The following KIFC3 variants were observed in gnomAD, a reference collection of about 807,000 sequenced individuals.
KIFC3 encodes kinesin-like protein KIFC3.
KIFC3 carries 60 observed loss-of-function variants against 101.8 expected under a neutral mutation model. That is an observed-to-expected ratio of 0.59 (90% confidence interval 0.48 to 0.73). KIFC3 has a LOEUF of 0.73. Ranked by LOEUF, KIFC3 falls within the 30% of genes least tolerant of loss-of-function variation. KIFC3 has a pLI of 0.00. For missense variants in KIFC3, 966 were observed against 1,137.1 expected (o/e 0.85, Z 2.16); for synonymous variants, 476 against 482.7 (o/e 0.99, Z 0.18).
Position 57,759,729 on chromosome 16 carries a change from C to T in KIFC3, c.2475G>A (p.Ser825=), listed in dbSNP as rs782743799. The T allele has an allele frequency of 8.7e-6, 14 of 1,607,856 alleles. No individual in the cohort carries two copies. Among genetic ancestry groups the T allele is most frequent in the Middle Eastern group, 1.7e-4 (1 of 6,044 alleles). ...CCCACACTGCCACTCCAGGCTCACC[C>T]GAGGGCTGCAGCTTCCTCCGGATGG... The part of the protein sequence containing the change: ...PGSIRRKLQP[S]A The change falls in exon 18 of 20, where the codon TCG becomes TCA. Residue 825 remains serine, a splice_region_variant and synonymous_variant. Coordinates refer to ENST00000445690, the MANE Select transcript of KIFC3 (RefSeq NM_001130100.2).
intron 1 of KIFC3, among the ~76,000 whole-genome samples, chr16:57,823,025 T>C (rs1432049804): frequency 6.6e-6 from 1 of 152,176 alleles, no homozygotes; most frequent in African/African-American, 2.4e-5. Flanking sequence ...CTTGAAAAAC[T>C]GGTTTAGACT....
rs1156736307 is a variant in KIFC3 at position 57,796,554 on chromosome 16, G to A, written c.173-1413C>T. ...GGTCGGGGGACTCAGAGGGGCCTGG[G>A]GCAGCTGAGCTGGCTGAGGCCCAGT... On this transcript the variant is annotated intron_variant, in intron 2 of 19. Transcript: ENST00000445690. Among the ~76,000 whole-genome samples the A allele has an allele frequency of 2.0e-5, 3 of 152,238 alleles. No individual in the cohort carries two copies. The East Asian group carries it at 5.8e-4, about 29-fold the overall frequency.
In KIFC3 at chr16:57,764,262, G is replaced by T; in HGVS notation, c.1513-15C>A. 2.0e-6 allele frequency: 3 copies of T among 1,509,404 alleles called. No homozygotes were observed. The highest frequency in any genetic ancestry group is 2.3e-5 in the South Asian group (2 of 85,826). The allele number at this position is 1,509,404 out of a possible 1,614,324, so 93.5% of individuals were successfully genotyped here. A position where few individuals can be genotyped will look rare whatever the true frequency, so the allele number is the denominator to read the frequency against. On this transcript the variant is annotated splice_polypyrimidine_tract_variant and intron_variant, in intron 11 of 19. Transcript: ENST00000445690. Reference sequence around the variant, plus strand: ...TCCTGGAACACCTGGGAGGGTGGTGGGAGGGAGGCTGGTGGGGGGGCTTCC... The same window carrying T: ...TCCTGGAACACCTGGGAGGGTGGTGTGAGGGAGGCTGGTGGGGGGGCTTCC...
intron 1 of KIFC3, among the ~76,000 whole-genome samples, chr16:57,815,893 C>T (rs1414546697): frequency 3.3e-5 from 5 of 152,220 alleles, no homozygotes; most frequent in Non-Finnish European, 7.3e-5. Flanking sequence ...TAAGTCTGTG[C>T]CCTGTGGCGA....
At chr16:57,814,636 T>C (rs1368114927) in intron 1 of KIFC3, among the ~76,000 whole-genome samples, 1 of 129,462 alleles carries the variant, frequency 7.7e-6, no homozygotes, top group Non-Finnish European at 1.7e-5. Context: ...ACTATCATTC[T>C]TTTTTTTTTT....
intron 2 of KIFC3, 67 bp downstream of exon 2, chr16:57,798,005 C>T: frequency 6.4e-7 from 1 of 1,550,446 alleles, no homozygotes; most frequent in African/African-American, 1.4e-5. Flanking sequence ...TGAGAAACCT[C>T]AGTCTCATCT....
chr16:57,782,131 G>A (rs1189239720), intron 3 of KIFC3: 4 of 985,308 alleles, frequency 4.1e-6, no homozygotes, highest in Admixed American at 6.2e-5. Flanking sequence ...CAGGGCACAC[G>A]GGAGTGACAG....
chr16:57,795,884 GTTTT>G (rs797031930), intron 2 of KIFC3, among the ~76,000 whole-genome samples: 1 of 58,784 alleles, frequency 1.7e-5, no homozygotes, highest in Non-Finnish European at 4.1e-5. Context: ...GGGCTTTTTT[GTTTT>G]TTTTTTTTTT....
intron 1 of KIFC3, among the ~76,000 whole-genome samples, chr16:57,844,675 C>T (rs2055882201): frequency 6.6e-6 from 1 of 152,104 alleles, no homozygotes; most frequent in African/African-American, 2.4e-5. Context: ...CCGCAGGCCC[C>T]AGGTGTTTGA....
intron 9 of KIFC3, 52 bp from the exon 10 acceptor site, chr16:57,767,037 G>A (rs782715736): frequency 3.7e-5 from 55 of 1,471,088 alleles, no homozygotes; most frequent in Middle Eastern, 1.8e-4. Flanking sequence ...CAGCCTTACC[G>A]GCCTGACTGC....
chr16:57,848,801 A>T (rs751458616), intron 1 of KIFC3, among the ~76,000 whole-genome samples: 1 of 152,244 alleles, frequency 6.6e-6, no homozygotes, highest in Non-Finnish European at 1.5e-5. Flanking sequence ...AGGCAGCCAT[A>T]ACAAAAAACT....
In KIFC3 at chr16:57,770,603, A is replaced by G; in HGVS notation, c.863T>C (p.Met288Thr). 6.5e-7 allele frequency: 1 copy of G among 1,540,364 alleles called. No homozygotes were observed. Among genetic ancestry groups the G allele is most frequent in the African/African-American group, 1.4e-5 (1 of 72,764 alleles). ...RNQHLQEQVA[M>T]QRQVLKEMEQ... ...CATCTCCTTCAGCACCTGCCTCTGCATAGCCACCTGCTCCTGCAGGTGCTG... is the reference window on the plus strand; with the variant it reads ...CATCTCCTTCAGCACCTGCCTCTGCGTAGCCACCTGCTCCTGCAGGTGCTG... The change falls in exon 7 of 20, where the codon ATG becomes ACG. Residue 288 changes from methionine to threonine, a missense_variant. Around this residue, in one of 2 missense-constraint regions of KIFC3, gnomAD observed 689 missense variants for 884.6 expected, o/e 0.78. Transcript: ENST00000445690.
chr16:57,795,179 C>A, intron 2 of KIFC3, 38 bp from the exon 3 acceptor site: 1 of 1,597,486 alleles, frequency 6.3e-7, no homozygotes, highest in Non-Finnish European at 8.5e-7. Context: ...ACACTCCGAC[C>A]ACTGGCCAAA....
At chr16:57,785,442 C>T in intron 3 of KIFC3, 1 of 1,274,658 alleles carries the variant, frequency 7.8e-7, no homozygotes, top group South Asian at 1.3e-5. Context: ...TGGCCTCTGC[C>T]CATCCCAGCC....
At chr16:57,862,806 T>C (rs1249624280) in exon 1 of KIFC3, 1 of 1,289,618 alleles carries the variant, frequency 7.8e-7, no homozygotes, top group African/African-American at 1.5e-5. Flanking sequence ...GTCAGAGTGT[T>C]CTTCCTGAAA....
At position 57,798,078 on chromosome 16, in the gene KIFC3, TC is replaced by T; in HGVS notation, c.165del (p.Arg56GlufsTer26). 6.3e-7 allele frequency: 1 copy of T among 1,592,638 alleles called. No individual in the cohort carries two copies. Among genetic ancestry groups the T allele is most frequent in the Non-Finnish European group, 8.5e-7 (1 of 1,169,934 alleles). ...RPFPHTGPGR[L>X]RTGRGKDTPV... The stretch of plus-strand genomic sequence containing the variant: ...TTTAAAAATGCGGACTCACCAGTTC[TC>T]AACCTCCCCGGGCCGGTGTGTGGGA... On this transcript the variant is annotated frameshift_variant, in exon 2 of 20. Transcript: ENST00000445690. LOFTEE classifies it high-confidence loss of function.
At chr16:57,772,420 T>A in intron 3 of KIFC3, 132 bp from the exon 4 acceptor site, 1 of 688,966 alleles carries the variant, frequency 1.5e-6, no homozygotes, top group Non-Finnish European at 2.5e-6. Flanking sequence ...TAGGTTCCCC[T>A]ATGTTCAAGC....
At chr16:57,821,436 G>A (rs1422680893) in intron 1 of KIFC3, among the ~76,000 whole-genome samples, 1 of 152,204 alleles carries the variant, frequency 6.6e-6, no homozygotes, top group East Asian at 1.9e-4. Context: ...TACCACCACA[G>A]AGACCAGAAC....
chr16:57,818,731 G>A (rs79811650), intron 1 of KIFC3, among the ~76,000 whole-genome samples: 2,889 of 152,316 alleles, frequency 0.019, 95 homozygotes, highest in African/African-American at 0.065. Flanking sequence ...GACCTCGTGG[G>A]AACGTTCCAA....
Sources: allele counts gnomAD v4.1 joint callset (sites outside exome capture counted in the v4.1 genomes callset), GRCh38; gene constraint gnomAD v4.1.1; regional missense constraint gnomAD v4.1.1; transcripts MANE v1.5; gene names NCBI Gene and HGNC (gene_info 2026-07-23, HGNC 2026-07-21).